UEVLD: variants seen among roughly 807,000 people sequenced by gnomAD.
UEVLD encodes ubiquitin-conjugating enzyme E2 variant 3.
A neutral mutation model predicts 58.6 loss-of-function variants in UEVLD; 47 were observed. The observed-to-expected ratio is 0.80, with a 90% CI of 0.63 to 1.02. The LOEUF is 1.02. UEVLD is among the 50% of genes least tolerant of loss of function. The probability of loss-of-function intolerance (pLI) is 0.00; values close to 1 mark genes in which losing one functional copy is unlikely to be tolerated. For missense variants in UEVLD, 510 were observed against 550.6 expected (o/e 0.93, Z 0.74); for synonymous variants, 197 against 195.3 (o/e 1.01, Z -0.07).
chr11:18,563,537 G>T, intron 6 of UEVLD: 2 of 397,770 alleles, frequency 5.0e-6, no homozygotes, highest in Non-Finnish European at 6.8e-6. Flanking sequence ...GGTGCAGTAA[G>T]CTGAGATTGC....
chr11:18,559,034 C>A (rs1851884431), intron 6 of UEVLD, among the ~76,000 whole-genome samples: 1 of 151,486 alleles, frequency 6.6e-6, no homozygotes, highest in Non-Finnish European at 1.5e-5. Flanking sequence ...ACCACCATGC[C>A]CACCTAATTT....
At position 18,551,282 on chromosome 11, in the gene UEVLD, G is replaced by T. The variant is rs539592897; in HGVS notation, c.716-4232C>A. Among the ~76,000 whole-genome samples the T allele has an allele frequency of 3.3e-5, 5 of 152,100 alleles. No individual in the cohort carries two copies. In the South Asian group the frequency reaches 8.3e-4, roughly 25 times the overall value. On this transcript the variant is annotated intron_variant, in intron 7 of 11. Transcript: ENST00000396197. The stretch of plus-strand genomic sequence containing the variant: ...TCTCTACTAAAAAGAAATTAGCCGG[G>T]CGTGGTGACACGTGCCTGTAATCCC...
intron 5 of UEVLD, among the ~76,000 whole-genome samples, chr11:18,565,950 G>A (rs1010559064): frequency 6.9e-6 from 1 of 144,552 alleles, no homozygotes; most frequent in African/African-American, 2.6e-5. Flanking sequence ...CCAGGCTGGA[G>A]TGCAGTTGTT....
chr11:18,545,074 A>ATATATATATATT (rs1345787784), intron 8 of UEVLD, among the ~76,000 whole-genome samples: 2 of 84,570 alleles, frequency 2.4e-5, no homozygotes, highest in South Asian at 3.3e-4. Flanking sequence ...CTATATCTAT[A>ATATATATATATT]TTTTTTTTTT....
chr11:18,546,839 T>G, intron 8 of UEVLD, 41 bp downstream of exon 8: 1 of 1,601,016 alleles, frequency 6.2e-7, no homozygotes, highest in Non-Finnish European at 8.5e-7. Flanking sequence ...ATTCTACTGA[T>G]GTACTGGACC....
intron 11 of UEVLD, 77 bp downstream of exon 11, chr11:18,534,253 T>G: frequency 3.5e-6 from 4 of 1,144,284 alleles, no homozygotes; most frequent in South Asian, 4.2e-5. Flanking sequence ...GGTTAGAGTA[T>G]GAATAATGAT....
At position 18,570,249 on chromosome 11, in the gene UEVLD, T is replaced by C. The variant is rs373980822; in HGVS notation, c.322A>G (p.Arg108Gly). Residue 108 changes from arginine (R) to glycine (G), a missense_variant, in exon 4 of 12, where the codon AGA becomes GGA. By Grantham distance (125) the Arg-to-Gly change is moderately radical (BLOSUM62 -2). Coordinates refer to ENST00000396197, the MANE Select transcript of UEVLD (RefSeq NM_001040697.4). Reference protein sequence around the residue: ...LVGKHVDAQGRIYLPYLQNWS... With the variant: ...LVGKHVDAQGGIYLPYLQNWS... Reference sequence around the variant, plus strand: ...TTTTGGAGATAGGGCAAATATATTCTGCCTTGAGCATCCACATGTTTTCCG... The same window carrying C: ...TTTTGGAGATAGGGCAAATATATTCCGCCTTGAGCATCCACATGTTTTCCG... 2 of 1,607,708 alleles carry C rather than the reference T, an allele frequency of 1.2e-6. No individual in the cohort carries two copies. The highest frequency in any genetic ancestry group is 1.7e-6 in the Non-Finnish European group (2 of 1,177,996).
At chr11:18,534,702 C>T (rs1366699343) in intron 10 of UEVLD, among the ~76,000 whole-genome samples, 1 of 152,098 alleles carries the variant, frequency 6.6e-6, no homozygotes, top group Non-Finnish European at 1.5e-5. Flanking sequence ...TGATATTTAA[C>T]CAATATGAAT....
intron 1 of UEVLD, among the ~76,000 whole-genome samples, chr11:18,584,676 A>T (rs1853448156): frequency 6.6e-6 from 1 of 152,170 alleles, no homozygotes; most frequent in Non-Finnish European, 1.5e-5. Context: ...TCTGTTGCCC[A>T]GGCTGGAGTG....
intron 3 of UEVLD, chr11:18,570,842 T>C (rs1186158085): frequency 6.6e-6 from 1 of 150,656 alleles, no homozygotes; most frequent in Non-Finnish European, 1.5e-5. Flanking sequence ...CCCCATTTCA[T>C]CCACATTCAC....
intron 1 of UEVLD, 61 bp from the exon 2 acceptor site, chr11:18,578,869 G>A (rs1185299472): frequency 1.4e-5 from 18 of 1,290,240 alleles, no homozygotes; most frequent in Non-Finnish European, 1.6e-5. Flanking sequence ...AACAATTGCA[G>A]TTAACTTTTT....
At chr11:18,567,142 C>A (rs1018592200) in intron 4 of UEVLD, among the ~76,000 whole-genome samples, 1 of 152,142 alleles carries the variant, frequency 6.6e-6, no homozygotes, top group Non-Finnish European at 1.5e-5. Flanking sequence ...AGACATTCTC[C>A]TTTTAACCGT....
intron 3 of UEVLD, among the ~76,000 whole-genome samples, chr11:18,571,778 G>A (rs921672836): frequency 6.6e-6 from 1 of 152,158 alleles, no homozygotes; most frequent in Non-Finnish European, 1.5e-5. Flanking sequence ...ACCAGCCTGG[G>A]CAACAATGCA....
In UEVLD at chr11:18,547,047, A is replaced by C. The variant is rs753613553; in HGVS notation, c.719T>G (p.Leu240Trp). 6.2e-7 allele frequency: 1 copy of C among 1,608,822 alleles called. No homozygotes were observed. The highest frequency in any genetic ancestry group is 8.5e-7 in the Non-Finnish European group (1 of 1,178,828). ...NLPNVEISKD[L>W]SASAHSKVVI... ...CACCTTGGAATGAGCAGAGGCAGAC[A>C]AATCTAGTGAATGAAAAGAAACAGT... The change falls in exon 8 of 12, where the codon TTG becomes TGG. Residue 240 changes from leucine (L) to tryptophan (W), a missense_variant. By Grantham distance (61) the Leu-to-Trp change is moderately conservative. Coordinates refer to ENST00000396197, the MANE Select transcript of UEVLD (RefSeq NM_001040697.4).
intron 8 of UEVLD, 126 bp from the exon 9 acceptor site, chr11:18,544,922 A>G (rs1851225002): frequency 1.9e-6 from 1 of 533,328 alleles, no homozygotes; most frequent in Non-Finnish European, 3.1e-6. Context: ...TTATATGTAT[A>G]TATATACACA....
Position 18,531,005 on chromosome 11 carries a change from G to GTT in UEVLD, c.*1314_*1315insAA, listed in dbSNP as rs1380026937. On this transcript the variant is annotated 3_prime_UTR_variant, in exon 12 of 12. Coordinates refer to ENST00000396197, the MANE Select transcript of UEVLD (RefSeq NM_001040697.4). ...CTCCCAAGGTGCTGGGATTACAGGCGTGAGTCACTGCGCCTAGCCCATGTT... is the reference window on the plus strand; with the variant it reads ...CTCCCAAGGTGCTGGGATTACAGGCGTTTGAGTCACTGCGCCTAGCCCATGTT... The GTT allele has an allele frequency of 6.6e-6, 1 of 152,256 alleles. No homozygotes were observed. Among genetic ancestry groups the GTT allele is most frequent in the African/African-American group, 2.4e-5 (1 of 41,444 alleles). 9.4% of individuals were successfully genotyped at this position (152,256 alleles called of 1,614,324 possible). A position where few individuals can be genotyped will look rare whatever the true frequency, so the allele number is the denominator to read the frequency against.
intron 6 of UEVLD, among the ~76,000 whole-genome samples, chr11:18,562,160 C>G (rs1852066870): frequency 6.6e-6 from 1 of 151,954 alleles, no homozygotes; most frequent in Admixed American, 6.6e-5. Flanking sequence ...TCGCAGCTCA[C>G]TGCAGCCTCA....
At chr11:18,570,139 T>C in intron 4 of UEVLD, 75 bp downstream of exon 4, 3 of 1,398,994 alleles carry the variant, frequency 2.1e-6, no homozygotes, top group Non-Finnish European at 2.9e-6. Context: ...TCATACTTAT[T>C]TGTACCAGCA....
At chr11:18,558,100 T>TA (rs1291505549) in intron 7 of UEVLD, 128 bp downstream of exon 7, 2 of 574,372 alleles carry the variant, frequency 3.5e-6, no homozygotes, top group Non-Finnish European at 2.9e-6. Flanking sequence ...ATTTCAATCT[T>TA]AGTTTCCCAA....
Sources: allele counts gnomAD v4.1 joint callset (sites outside exome capture counted in the v4.1 genomes callset), GRCh38; gene constraint gnomAD v4.1.1; transcripts MANE v1.5; gene names NCBI Gene and HGNC (gene_info 2026-07-23, HGNC 2026-07-21).